AKR1B15: variants seen among roughly 807,000 people sequenced by gnomAD.
The protein encoded by AKR1B15 is estradiol 17-beta-dehydrogenase AKR1B15.
A neutral mutation model predicts 38.5 loss-of-function variants in AKR1B15; 49 were observed. That is an observed-to-expected ratio of 1.27 (90% CI 1.01 to 1.62). The LOEUF (loss-of-function observed/expected upper bound fraction) is 1.62. Among genes scored for constraint, AKR1B15 ranks in the 40% most tolerant of loss-of-function variants. The probability of loss-of-function intolerance (pLI) is 0.00; values close to 1 mark genes in which losing one functional copy is unlikely to be tolerated. For synonymous variants in AKR1B15, 137 were observed against 135.5 expected (o/e 1.01, Z -0.08); for missense variants, 411 against 381.6 (o/e 1.08, Z -0.64).
At chr7:134,560,673 A>G (rs996784324) in intron 2 of AKR1B15, among the ~76,000 whole-genome samples, 2 of 152,214 alleles carry the variant, frequency 1.3e-5, no homozygotes, top group Non-Finnish European at 2.9e-5. Flanking sequence ...AAATGGAGTC[A>G]CTAATGTTAA....
intron 2 of AKR1B15, among the ~76,000 whole-genome samples, chr7:134,562,882 CTTTCTTTCCTTCTTT>C (rs1794449916): frequency 1.5e-5 from 2 of 130,140 alleles, no homozygotes; most frequent in African/African-American, 6.2e-5. Context: ...TTCTTTCTTT[CTTTCTTTCCTTCTTT>C]CTTCCTTCCT....
At chr7:134,553,650 C>T (rs775767629) in intron 1 of AKR1B15, among the ~76,000 whole-genome samples, 59 of 152,210 alleles carry the variant, frequency 3.9e-4, no homozygotes, top group Non-Finnish European at 6.2e-4. Flanking sequence ...TCGCATCTTG[C>T]GGTATCAGAG....
chr7:134,576,588 A>G (rs902442634), intron 9 of AKR1B15, among the ~76,000 whole-genome samples, 158 bp downstream of exon 9: 1 of 152,172 alleles, frequency 6.6e-6, no homozygotes, highest in African/African-American at 2.4e-5. Context: ...ACCTCTAGGA[A>G]ACACAAGAGC....
chr7:134,558,312 T>C (rs1326136804), intron 2 of AKR1B15, among the ~76,000 whole-genome samples: 3 of 152,220 alleles, frequency 2.0e-5, no homozygotes, highest in East Asian at 3.8e-4. Flanking sequence ...ATGCCTCCAA[T>C]TGGTAGTTAT....
At chr7:134,568,422 T>G in intron 4 of AKR1B15, 97 bp downstream of exon 4, 1 of 1,516,210 alleles carries the variant, frequency 6.6e-7, no homozygotes, top group African/African-American at 1.4e-5. Context: ...CTTTTCTACG[T>G]GTACCCGTTT....
intron 8 of AKR1B15, 92 bp downstream of exon 8, chr7:134,576,019 G>A: frequency 6.6e-7 from 1 of 1,516,208 alleles, no homozygotes; most frequent in South Asian, 1.3e-5. Flanking sequence ...ATAAGTTACT[G>A]GAAAGAAAAA....
chr7:134,567,405 T>C (rs1250219091), intron 3 of AKR1B15, among the ~76,000 whole-genome samples: 4 of 152,216 alleles, frequency 2.6e-5, no homozygotes, highest in Non-Finnish European at 4.4e-5. Context: ...ACTCTATTCC[T>C]ATAAGCTTCT....
intron 6 of AKR1B15, among the ~76,000 whole-genome samples, chr7:134,572,111 T>A (rs1794681039): frequency 6.6e-6 from 1 of 152,154 alleles, no homozygotes. Flanking sequence ...TGATAAAACT[T>A]AAGATGGTTT....
rs1195854379 is a variant in AKR1B15 at position 134,569,475 on chromosome 7, C to T, written c.381C>T (p.Asp127=). ...VRKAFEKTLK[D]LKLSYLDVYL... ...AAGCCTTTGAGAAGACCCTCAAGGA[C>T]CTGAAGCTGAGCTATCTGGACGTCT... Residue 127 remains aspartate (D), a synonymous_variant, in exon 5 of 12, where the codon GAC becomes GAT. Coordinates refer to ENST00000457545, the MANE Select transcript of AKR1B15 (RefSeq NM_001080538.3). 5 of 1,614,040 alleles carry T rather than the reference C, an allele frequency of 3.1e-6. No homozygotes were observed. Among genetic ancestry groups the T allele is most frequent in the Non-Finnish European group, 3.4e-6 (4 of 1,179,968 alleles).
At chr7:134,559,244 C>A (rs1178223032) in intron 2 of AKR1B15, among the ~76,000 whole-genome samples, 1 of 152,116 alleles carries the variant, frequency 6.6e-6, no homozygotes, top group Non-Finnish European at 1.5e-5. Flanking sequence ...GAAGCTAGCC[C>A]ATGTTGATAA....
intron 4 of AKR1B15, 23 bp from the exon 5 acceptor site, chr7:134,569,390 G>A: frequency 3.7e-6 from 6 of 1,613,276 alleles, no homozygotes; most frequent in Non-Finnish European, 5.1e-6. Context: ...AGTATTACTA[G>A]CTCATTGCTA....
chr7:134,574,170 G>A (rs1226755910), intron 6 of AKR1B15, among the ~76,000 whole-genome samples: 2 of 152,118 alleles, frequency 1.3e-5, no homozygotes, highest in African/African-American at 4.8e-5. Context: ...GCTGAGATTA[G>A]TCATGAGCCA....
At chr7:134,578,621 A>T (rs908029238) in intron 11 of AKR1B15, among the ~76,000 whole-genome samples, 1 of 152,242 alleles carries the variant, frequency 6.6e-6, no homozygotes, top group Admixed American at 6.5e-5. Flanking sequence ...ATTGTCTGGC[A>T]TTTATTACTG....
intron 1 of AKR1B15, among the ~76,000 whole-genome samples, chr7:134,554,947 A>G (rs1045227339): frequency 6.6e-6 from 1 of 152,208 alleles, no homozygotes; most frequent in Admixed American, 6.5e-5. Context: ...GACAAGTAGA[A>G]TGCATGAACC....
rs185828325 is a variant in AKR1B15 at position 134,575,599 on chromosome 7, C to T, written c.636+57C>T. 9.0e-5 allele frequency: 144 copies of T among 1,605,750 alleles called. 1 individual carries two copies. Among genetic ancestry groups the T allele is most frequent in the East Asian group, 6.5e-4 (29 of 44,828 alleles). On this transcript the variant is annotated intron_variant, in intron 7 of 11. Transcript: ENST00000457545. Reference sequence around the variant, plus strand: ...CTGCCCTATTACTTCTTAAACATTGCGGGGGGAATGTTCAATGCTATGCCC... The same window carrying T: ...CTGCCCTATTACTTCTTAAACATTGTGGGGGGAATGTTCAATGCTATGCCC...
At chr7:134,566,832 C>G (rs1451807521) in intron 3 of AKR1B15, among the ~76,000 whole-genome samples, 2 of 152,140 alleles carry the variant, frequency 1.3e-5, no homozygotes, top group Non-Finnish European at 2.9e-5. Flanking sequence ...ACTTCCAGCT[C>G]GATTCATACA....
At chr7:134,569,108 G>C (rs1051381595) in intron 4 of AKR1B15, among the ~76,000 whole-genome samples, 1 of 152,242 alleles carries the variant, frequency 6.6e-6, no homozygotes, top group African/African-American at 2.4e-5. Context: ...AGAGCCCACA[G>C]CTGAGGAAGA....
intron 10 of AKR1B15, 83 bp downstream of exon 10, chr7:134,577,129 C>A: frequency 2.9e-6 from 4 of 1,376,712 alleles, no homozygotes; most frequent in Non-Finnish European, 3.1e-6. Context: ...CTCACCTCAT[C>A]CCTGCACTGT....
chr7:134,568,338 C>T lies in AKR1B15; in HGVS notation c.318+13C>T, dbSNP rs762519183. ...CATCGTCAGCAAGGTGCACATGGCG[C>T]ATTTGGTGGGAGGCCTTCACTTCAA... On this transcript the variant is annotated intron_variant, in intron 4 of 11. Transcript: ENST00000457545. 2 of 1,612,950 alleles carry T rather than the reference C, an allele frequency of 1.2e-6. No individual in the cohort carries two copies. Among genetic ancestry groups the T allele is most frequent in the African/African-American group, 1.3e-5 (1 of 74,900 alleles).
Sources: gnomAD v4.1 joint callset for allele counts (sites outside exome capture counted in the v4.1 genomes callset) on GRCh38, gnomAD v4.1.1 for gene constraint, MANE v1.5 for transcripts, NCBI Gene and HGNC (gene_info 2026-07-23, HGNC 2026-07-21) for gene names.